USP38: variants seen among roughly 807,000 people sequenced by gnomAD.
The protein encoded by USP38 is ubiquitin specific peptidase 38.
In USP38, 49 loss-of-function variants were observed where a neutral mutation model predicts 94.3. That is an observed-to-expected ratio of 0.52 (90% CI 0.41 to 0.66). The LOEUF is 0.66. USP38 is among the 30% of genes least tolerant of loss of function. USP38 has a pLI of 0.00. For missense variants in USP38, 1,128 were observed against 1,229.4 expected, an observed-to-expected ratio of 0.92 and a Z score of 1.23; for synonymous variants, 468 against 463.6, an observed-to-expected ratio of 1.01 and a Z score of -0.12.
intron 1 of USP38, among the ~76,000 whole-genome samples, chr4:143,187,253 T>C (rs1731256478): frequency 6.6e-6 from 1 of 152,204 alleles, no homozygotes; most frequent in South Asian, 2.1e-4. Flanking sequence ...ATTTCTACTT[T>C]AAGAGATTTT....
At chr4:143,192,193 AT>A (rs1468765031) in intron 2 of USP38, among the ~76,000 whole-genome samples, 2 of 152,176 alleles carry the variant, frequency 1.3e-5, no homozygotes, top group African/African-American at 4.8e-5. Context: ...ACAAATATTT[AT>A]TTCATGAATG....
At chr4:143,199,690 T>C (rs1731655285) in intron 4 of USP38, among the ~76,000 whole-genome samples, 2 of 152,312 alleles carry the variant, frequency 1.3e-5, no homozygotes, top group South Asian at 2.1e-4. Context: ...TGGTATGAGA[T>C]GGTAGTTCAT....
At chr4:143,192,720 C>T (rs1731433960) in intron 2 of USP38, among the ~76,000 whole-genome samples, 1 of 152,110 alleles carries the variant, frequency 6.6e-6, no homozygotes, top group African/African-American at 2.4e-5. Flanking sequence ...GGCCCCACCT[C>T]TTAATGCCAA....
chr4:143,212,687 T>G (rs555921614), intron 8 of USP38, among the ~76,000 whole-genome samples: 1 of 152,206 alleles, frequency 6.6e-6, no homozygotes, highest in South Asian at 2.1e-4. Context: ...CTGTGAGGTC[T>G]TCTCTTTTCC....
At position 143,185,769 on chromosome 4, in the gene USP38, A is replaced by G. The variant is rs753405222; in HGVS notation, c.319A>G (p.Ile107Val). ...GAAGGATGTAGCCATCCTGGACTAC[A>G]TTCACAACGGCCTGAAGCTGATTAT... ...DRKDVAILDY[I>V]HNGLKLIMSC... Residue 107 changes from isoleucine (I) to valine (V), a missense_variant, in exon 1 of 10, where the codon ATT (isoleucine) becomes GTT (valine). Physicochemically the swap from Ile to Val is conservative, Grantham distance 29. Coordinates refer to ENST00000307017, the MANE Select transcript of USP38 (RefSeq NM_032557.6). The G allele has an allele frequency of 3.7e-6, 6 of 1,614,080 alleles. No individual in the cohort carries two copies. Among genetic ancestry groups the G allele is most frequent in the African/African-American group, 1.3e-5 (1 of 74,914 alleles).
Position 143,185,413 on chromosome 4 carries a change from T to G in USP38, c.-38T>G. On this transcript the variant is annotated 5_prime_UTR_variant, in exon 1 of 10. Transcript: ENST00000307017. Reference sequence around the variant, plus strand: ...CCACCTCGGGGCTGCCGCCACCCGCTCCTTATCCCCTGGCCCTGGCCTTGC... The same window carrying G: ...CCACCTCGGGGCTGCCGCCACCCGCGCCTTATCCCCTGGCCCTGGCCTTGC... 1 of 1,528,526 alleles carries G rather than the reference T, an allele frequency of 6.5e-7. No homozygotes were observed. Among genetic ancestry groups the G allele is most frequent in the Non-Finnish European group, 8.8e-7 (1 of 1,137,490 alleles). The allele number at this position is 1,528,526 out of a possible 1,614,324, so 94.7% of individuals were successfully genotyped here. A position where few individuals can be genotyped will look rare whatever the true frequency, so the allele number is the denominator to read the frequency against.
intron 8 of USP38, among the ~76,000 whole-genome samples, 156 bp from the exon 9 acceptor site, chr4:143,213,425 A>T (rs1259229587): frequency 2.6e-5 from 4 of 152,174 alleles, no homozygotes; most frequent in Admixed American, 1.3e-4. Flanking sequence ...CTGCATTCTC[A>T]AAACTGTTCA....
intron 3 of USP38, among the ~76,000 whole-genome samples, chr4:143,197,035 T>C (rs1374818489): frequency 6.6e-6 from 1 of 152,222 alleles, no homozygotes; most frequent in African/African-American, 2.4e-5. Flanking sequence ...CTTGGTCCCC[T>C]GTACTTATCA....
At chr4:143,199,285 G>A (rs774943161) in intron 4 of USP38, among the ~76,000 whole-genome samples, 102 of 152,072 alleles carry the variant, frequency 6.7e-4, no homozygotes, top group Middle Eastern at 3.4e-3. Context: ...TAATAGCCTC[G>A]CCCTCCATCC....
Position 143,220,574 on chromosome 4 carries a change from AAC to A in USP38, c.*123_*124del, listed in dbSNP as rs1187139146. The A allele has an allele frequency of 2.2e-5, 22 of 1,013,908 alleles. No individual in the cohort carries two copies. The South Asian group carries it at 4.8e-4, about 22-fold the overall frequency. 62.8% of individuals were successfully genotyped at this position (1,013,908 alleles called of 1,614,324 possible). ...TCATTAGACCCTTATACTTCAAGAG[AAC>A]ACACTCAGTGCTTGTTTTTATTTTC... On this transcript the variant is annotated 3_prime_UTR_variant, in exon 10 of 10. Transcript: ENST00000307017.
rs1394673578 is a variant in USP38, at chr4:143,220,659, C to T, written c.*203C>T. 2.0e-6 allele frequency: 1 copy of T among 510,314 alleles called. No homozygotes were observed. The highest frequency in any genetic ancestry group is 3.0e-6 in the Non-Finnish European group (1 of 337,586). The allele number at this position is 510,314 out of a possible 1,614,324, so 31.6% of individuals were successfully genotyped here. A position where few individuals can be genotyped will look rare whatever the true frequency, so the allele number is the denominator to read the frequency against. On this transcript the variant is annotated 3_prime_UTR_variant, in exon 10 of 10. Coordinates refer to ENST00000307017, the MANE Select transcript of USP38 (RefSeq NM_032557.6). ...AAAAAAAATCTACCTCTTAAAATTC[C>T]ATTTGCTTTTATGGTTAGACATGCT...
intron 1 of USP38, among the ~76,000 whole-genome samples, chr4:143,187,396 A>C (rs1224213092): frequency 6.6e-6 from 1 of 152,148 alleles, no homozygotes; most frequent in Non-Finnish European, 1.5e-5. Flanking sequence ...GATTTTTTCA[A>C]AATCTTCCTT....
chr4:143,185,399 C>T lies in USP38; in HGVS notation c.-52C>T, dbSNP rs1305030503. 2 of 1,518,248 alleles carry T rather than the reference C, an allele frequency of 1.3e-6. No homozygotes were observed. The highest frequency in any genetic ancestry group is 1.8e-6 in the Non-Finnish European group (2 of 1,133,618). The allele number at this position is 1,518,248 out of a possible 1,614,324, so 94.0% of individuals were successfully genotyped here. A position where few individuals can be genotyped will look rare whatever the true frequency, so the allele number is the denominator to read the frequency against. Reference sequence around the variant, plus strand: ...GGGGCTCTCCTGCCCCACCTCGGGGCTGCCGCCACCCGCTCCTTATCCCCT... The same window carrying T: ...GGGGCTCTCCTGCCCCACCTCGGGGTTGCCGCCACCCGCTCCTTATCCCCT... On this transcript the variant is annotated 5_prime_UTR_variant, in exon 1 of 10. Transcript: ENST00000307017.
At chr4:143,196,219 T>A (rs1260891284) in intron 3 of USP38, among the ~76,000 whole-genome samples, 2 of 152,164 alleles carry the variant, frequency 1.3e-5, no homozygotes, top group Non-Finnish European at 2.9e-5. Context: ...GGCACGAGAA[T>A]GACTTGAATC....
At chr4:143,193,148 C>T (rs1411634864) in intron 2 of USP38, among the ~76,000 whole-genome samples, 1 of 152,018 alleles carries the variant, frequency 6.6e-6, no homozygotes, top group Non-Finnish European at 1.5e-5. Context: ...TTTTTTATGT[C>T]CATATTTACA....
At chr4:143,193,837 A>G (rs1561238836) in intron 2 of USP38, among the ~76,000 whole-genome samples, 2 of 152,198 alleles carry the variant, frequency 1.3e-5, no homozygotes, top group African/African-American at 2.4e-5. Context: ...TGTAATCCTA[A>G]CACTTTAGGA....
intron 5 of USP38, among the ~76,000 whole-genome samples, chr4:143,203,921 GA>G (rs1479828919): frequency 4.0e-5 from 6 of 151,754 alleles, no homozygotes; most frequent in African/African-American, 1.4e-4. Context: ...GTACATCTTA[GA>G]ATACAGGAAA....
chr4:143,198,067 A>G, intron 4 of USP38, 143 bp downstream of exon 4: 1 of 607,360 alleles, frequency 1.6e-6, no homozygotes, highest in Non-Finnish European at 2.8e-6. Context: ...TTCCTAGAAA[A>G]TTGAGATTGT....
chr4:143,212,889 A>G (rs1732066521), intron 8 of USP38, among the ~76,000 whole-genome samples: 1 of 152,138 alleles, frequency 6.6e-6, no homozygotes, highest in Non-Finnish European at 1.5e-5. Flanking sequence ...TTTCATTTTT[A>G]AAATGTTACT....
Sources: allele counts gnomAD v4.1 joint callset (sites outside exome capture counted in the v4.1 genomes callset), GRCh38; gene constraint gnomAD v4.1.1; transcripts MANE v1.5; gene names NCBI Gene and HGNC (gene_info 2026-07-23, HGNC 2026-07-21).